ADAMTS12: variants seen among roughly 807,000 people sequenced by gnomAD.
ADAMTS12 encodes A disintegrin and metalloproteinase with thrombospondin motifs 12.
A neutral mutation model predicts 167.8 loss-of-function variants in ADAMTS12; 118 were observed. That is an observed-to-expected ratio of 0.70 (90% CI 0.61 to 0.82). ADAMTS12 has a LOEUF of 0.82. ADAMTS12 is among the 40% of genes least tolerant of loss of function. The pLI is 0.00. For missense variants in ADAMTS12, 1,916 were observed against 1,998.8 expected (o/e 0.96, Z 0.79); for synonymous variants, 704 against 716.9 (o/e 0.98, Z 0.29).
At chr5:33,831,241 T>G (rs1305069562) in intron 2 of ADAMTS12, among the ~76,000 whole-genome samples, 1 of 152,208 alleles carries the variant, frequency 6.6e-6, no homozygotes, top group Non-Finnish European at 1.5e-5. Flanking sequence ...CTGCTACAAT[T>G]TATATCCCTT....
chr5:33,871,692 T>C (rs1750042147), intron 2 of ADAMTS12, among the ~76,000 whole-genome samples: 1 of 152,134 alleles, frequency 6.6e-6, no homozygotes, highest in Non-Finnish European at 1.5e-5. Flanking sequence ...AAAAGCTGAT[T>C]ATTTTAAAAG....
At chr5:33,627,018 G>T (rs1212163046) in intron 13 of ADAMTS12, among the ~76,000 whole-genome samples, 2 of 150,604 alleles carry the variant, frequency 1.3e-5, no homozygotes, top group African/African-American at 4.9e-5. Flanking sequence ...ATGCAGTAGG[G>T]TAGTGGTGAT....
At chr5:33,864,290 G>T (rs773973697) in intron 2 of ADAMTS12, among the ~76,000 whole-genome samples, 4 of 152,102 alleles carry the variant, frequency 2.6e-5, no homozygotes, top group African/African-American at 4.8e-5. Flanking sequence ...ACAATGAGAT[G>T]CCATCTCACA....
intron 19 of ADAMTS12, among the ~76,000 whole-genome samples, chr5:33,567,490 C>A (rs1351251532): frequency 6.6e-6 from 1 of 152,208 alleles, no homozygotes; most frequent in Non-Finnish European, 1.5e-5. Context: ...AAATACATAT[C>A]TTGACAGTAC....
rs772700972 is a variant in ADAMTS12, at chr5:33,576,356, G to A, written c.3670C>T (p.Gln1224Ter). The A allele has an allele frequency of 1.2e-6, 2 of 1,614,152 alleles. No individual in the cohort carries two copies. Among genetic ancestry groups the A allele is most frequent in the East Asian group, 4.5e-5 (2 of 44,876 alleles). Reference sequence around the variant, plus strand: ...CCAGTTTCGGAAGTAGTGGGCCTTTGGCTGGGGAGCAGTCCTTCCATTACT... The same window carrying A: ...CCAGTTTCGGAAGTAGTGGGCCTTTAGCTGGGGAGCAGTCCTTCCATTACT... ...STVMEGLLPSQRPTTSETGTP... is the reference protein window; with the variant it reads ...STVMEGLLPS Residue 1224 changes from glutamine to a stop codon, truncating the protein, a stop_gained, in exon 19 of 24, where the codon CAA becomes TAA. Transcript: ENST00000504830. LOFTEE classifies it high-confidence loss of function.
At chr5:33,556,027 T>C (rs1008114382) in intron 20 of ADAMTS12, among the ~76,000 whole-genome samples, 2 of 152,238 alleles carry the variant, frequency 1.3e-5, no homozygotes, top group Admixed American at 1.3e-4. Flanking sequence ...CAATGTCCAA[T>C]AGCCAGCCCT....
chr5:33,599,620 C>T (rs1254200727), intron 16 of ADAMTS12, among the ~76,000 whole-genome samples: 1 of 152,116 alleles, frequency 6.6e-6, no homozygotes, highest in Non-Finnish European at 1.5e-5. Context: ...AGTAAATTAC[C>T]TTTCTTAATT....
intron 2 of ADAMTS12, among the ~76,000 whole-genome samples, chr5:33,765,204 A>G (rs1011399406): frequency 1.3e-5 from 2 of 152,212 alleles, no homozygotes; most frequent in Non-Finnish European, 1.5e-5. Context: ...TATATGCTCA[A>G]CCATTTGAAG....
chr5:33,756,437 G>A lies in ADAMTS12; in HGVS notation c.490-4889C>T, dbSNP rs114666806. 4.8e-3 allele frequency among the ~76,000 whole-genome samples: 738 copies of A among 152,320 alleles called. 4 individuals are homozygous for A. Among genetic ancestry groups the A allele is most frequent in the African/African-American group, 0.017 (699 of 41,560 alleles). On this transcript the variant is annotated intron_variant, in intron 2 of 23. Coordinates refer to ENST00000504830, the MANE Select transcript of ADAMTS12 (RefSeq NM_030955.4). ...TTGACACAGTCTTAAAGCCATGAGA[G>A]GCTCTCCAAATTATTATTTCTTGTT...
At chr5:33,860,090 C>T (rs1749551252) in intron 2 of ADAMTS12, among the ~76,000 whole-genome samples, 1 of 151,540 alleles carries the variant, frequency 6.6e-6, no homozygotes, top group African/African-American at 2.4e-5. Context: ...TTCCAAAAAC[C>T]AGAATGCCTC....
At chr5:33,634,628 CAA>C (rs1197106229) in intron 12 of ADAMTS12, among the ~76,000 whole-genome samples, 1 of 151,946 alleles carries the variant, frequency 6.6e-6, no homozygotes, top group East Asian at 1.9e-4. Context: ...CAGTCATTAC[CAA>C]GAGTTTGAAA....
chr5:33,789,821 G>A (rs956554546), intron 2 of ADAMTS12, among the ~76,000 whole-genome samples: 11 of 152,150 alleles, frequency 7.2e-5, no homozygotes, highest in Non-Finnish European at 1.3e-4. Context: ...GCATGGAAGC[G>A]CCATGTGGTC....
rs1743706768 is a variant in ADAMTS12, at chr5:33,524,251, A to G, written c.*2937T>C. 6.6e-6 allele frequency: 1 copy of G among 152,180 alleles called. No homozygotes were observed. The highest frequency in any genetic ancestry group is 2.1e-4 in the South Asian group (1 of 4,814). 9.4% of individuals were successfully genotyped at this position (152,180 alleles called of 1,614,324 possible). A position where few individuals can be genotyped will look rare whatever the true frequency, so the allele number is the denominator to read the frequency against. ...GATTTCCTGATTGAAGAAAGTAATC[A>G]CTATTAAGTCTCCTGGAATATTGTT... On this transcript the variant is annotated 3_prime_UTR_variant, in exon 24 of 24. Transcript: ENST00000504830.
At chr5:33,812,284 G>T (rs776190307) in intron 2 of ADAMTS12, among the ~76,000 whole-genome samples, 1 of 152,142 alleles carries the variant, frequency 6.6e-6, no homozygotes, top group African/African-American at 2.4e-5. Context: ...GCAAGACTCC[G>T]TCTCAAAAAT....
Position 33,649,563 on chromosome 5 carries a change from C to A in ADAMTS12, c.1325G>T (p.Arg442Leu). Reference sequence around the variant, plus strand: ...AGACACTGTCACTTACTCCAAGAAGCGGGTGATGTACTCCTCGCTGCACTT... The same window carrying A: ...AGACACTGTCACTTACTCCAAGAAGAGGGTGATGTACTCCTCGCTGCACTT... Reference protein sequence around the residue: ...WSKCSEEYITRFLDRGWGFCL... With the variant: ...WSKCSEEYITLFLDRGWGFCL... The change falls in exon 8 of 24, where the codon CGC (arginine) becomes CTC (leucine). Residue 442 changes from arginine (R) to leucine (L), a missense_variant. By Grantham distance (102) the Arg-to-Leu change is moderately radical. Transcript: ENST00000504830. 5.6e-6 allele frequency: 9 copies of A among 1,613,254 alleles called. No individual in the cohort carries two copies. Among genetic ancestry groups the A allele is most frequent in the Non-Finnish European group, 7.6e-6 (9 of 1,179,532 alleles).
chr5:33,840,131 CA>C (rs1748695038), intron 2 of ADAMTS12: 1 of 152,194 alleles, frequency 6.6e-6, no homozygotes, highest in African/African-American at 2.4e-5. Context: ...GCCCCAGAGG[CA>C]AGTTTACTTA....
chr5:33,784,922 A>G (rs1403033037), intron 2 of ADAMTS12, among the ~76,000 whole-genome samples: 9 of 152,144 alleles, frequency 5.9e-5, no homozygotes, highest in African/African-American at 2.4e-5. Flanking sequence ...CTAATTTCAA[A>G]ACTTATTGTA....
intron 20 of ADAMTS12, among the ~76,000 whole-genome samples, chr5:33,556,578 A>G (rs1049691348): frequency 1.3e-5 from 2 of 152,192 alleles, no homozygotes; most frequent in African/African-American, 4.8e-5. Flanking sequence ...TCCACTTGTT[A>G]TCACAGTCAT....
intron 2 of ADAMTS12, among the ~76,000 whole-genome samples, chr5:33,773,568 T>C (rs939117329): frequency 7.9e-5 from 12 of 152,134 alleles, no homozygotes; most frequent in African/African-American, 2.9e-4. Flanking sequence ...CTGTGAATTC[T>C]TAGTTATTGG....
Sources: allele counts gnomAD v4.1 joint callset (sites outside exome capture counted in the v4.1 genomes callset), GRCh38; gene constraint gnomAD v4.1.1; transcripts MANE v1.5; gene names NCBI Gene and HGNC (gene_info 2026-07-23, HGNC 2026-07-21).